The following ERG variants were observed in gnomAD, a reference collection of about 807,000 sequenced individuals.
ERG encodes the protein ETS transcription factor ERG.
Under a neutral mutation model 55.3 loss-of-function variants are expected in ERG, and 9 were observed. That is an observed-to-expected ratio of 0.16 (90% CI 0.10 to 0.28). The LOEUF (loss-of-function observed/expected upper bound fraction) is 0.28. Among genes scored for constraint, ERG ranks in the 10% least tolerant of loss-of-function variants. ERG has a pLI of 1.00. For missense variants in ERG, 434 were observed against 631.6 expected (o/e 0.69, Z 3.35); for synonymous variants, 223 against 237.3 (o/e 0.94, Z 0.55).
chr21:38,463,447 A>C (rs1024914984), intron 1 of ERG, among the ~76,000 whole-genome samples: 2 of 152,186 alleles, frequency 1.3e-5, no homozygotes, highest in African/African-American at 2.4e-5. Context: ...GAGGGCAGAG[A>C]CTTTTTTCTA....
intron 2 of ERG, among the ~76,000 whole-genome samples, chr21:38,572,619 G>A (rs1793979684): frequency 6.6e-6 from 1 of 152,078 alleles, no homozygotes; most frequent in African/African-American, 2.4e-5. Context: ...GTTTATAAAG[G>A]AAATAAATAT....
intron 1 of ERG, among the ~76,000 whole-genome samples, chr21:38,582,031 A>C (rs2060032248): frequency 1.5e-5 from 2 of 130,742 alleles, no homozygotes; most frequent in Admixed American, 1.7e-4. Context: ...CAACAGAGCG[A>C]GACTCCATCT....
At chr21:38,550,209 G>T (rs182402790) in intron 2 of ERG, among the ~76,000 whole-genome samples, 8 of 152,304 alleles carry the variant, frequency 5.3e-5, no homozygotes, top group African/African-American at 1.9e-4. Context: ...TCCTGGGACA[G>T]GTAACAGGCT....
chr21:38,607,459 C>T lies in ERG; in HGVS notation c.-149-22514G>A, dbSNP rs375822916. On this transcript the variant is annotated intron_variant, in intron 1 of 10. Transcript: ENST00000398910. ...CATCCTGGCCAACATGGTGAAACCC[C>T]GTCTCTACTAAAAATACAAAAAATT... Among the ~76,000 whole-genome samples, 12 of 152,114 alleles carry T rather than the reference C, an allele frequency of 7.9e-5. No homozygotes were observed. In the East Asian group the frequency reaches 1.7e-3, roughly 22 times the overall value.
intron 3 of ERG, among the ~76,000 whole-genome samples, chr21:38,408,792 G>T (rs1488116874): frequency 6.6e-6 from 1 of 152,078 alleles, no homozygotes; most frequent in East Asian, 1.9e-4. Flanking sequence ...CTCCTTTCTT[G>T]ACCCCAACCA....
At chr21:38,613,446 T>C (rs1270851067) in intron 1 of ERG, among the ~76,000 whole-genome samples, 2 of 152,208 alleles carry the variant, frequency 1.3e-5, no homozygotes, top group Admixed American at 6.5e-5. Flanking sequence ...GCAGTCCTTA[T>C]AGAAATCATG....
At chr21:38,400,709 A>G in intron 5 of ERG, 64 bp from the exon 6 acceptor site, 2 of 1,279,972 alleles carry the variant, frequency 1.6e-6, no homozygotes, top group Non-Finnish European at 2.2e-6. Flanking sequence ...TCTCAACATC[A>G]GCGCCAAATC....
intron 5 of ERG, among the ~76,000 whole-genome samples, chr21:38,402,092 TAA>T (rs1232767033): frequency 6.6e-6 from 1 of 152,138 alleles, no homozygotes; most frequent in Non-Finnish European, 1.5e-5. Flanking sequence ...TCAAATAGCC[TAA>T]AAGTTTATTG....
chr21:38,553,916 T>C lies in ERG; in HGVS notation c.-41+21746A>G, dbSNP rs148271528. On this transcript the variant is annotated intron_variant, in intron 2 of 8. Coordinates refer to the ERG transcript ENST00000398897. Reference sequence around the variant, plus strand: ...ACAATGTACAGAATAGGAGAAAATATTTGCAAATTATGCATCCAACAAAGG... The same window carrying C: ...ACAATGTACAGAATAGGAGAAAATACTTGCAAATTATGCATCCAACAAAGG... 6.3e-3 allele frequency among the ~76,000 whole-genome samples: 960 copies of C among 151,892 alleles called. 6 individuals are homozygous for C. Among genetic ancestry groups the C allele is most frequent in the Non-Finnish European group, 9.4e-3 (637 of 67,956 alleles).
At position 38,498,470 on chromosome 21, in the gene ERG, G is replaced by A. The variant is rs553958236; in HGVS notation, c.-90C>T. 1.4e-5 allele frequency: 22 copies of A among 1,552,576 alleles called. No individual in the cohort carries two copies. The highest frequency in any genetic ancestry group is 3.9e-5 in the Admixed American group (2 of 51,538). On this transcript the variant is annotated 5_prime_UTR_variant, in exon 1 of 10. Coordinates refer to ENST00000288319, the MANE Select transcript of ERG (RefSeq NM_182918.4). The surrounding 1 kb of genome is among the most constrained non-coding windows in gnomAD (Gnocchi z 4.6). ...AAAGTAGTTTTGATGAGGTTGTTTAGAGCGGATGAGATTGTGCTAAGTCTG... is the reference window on the plus strand; with the variant it reads ...AAAGTAGTTTTGATGAGGTTGTTTAAAGCGGATGAGATTGTGCTAAGTCTG...
At chr21:38,407,647 T>TATATATATATATATATATATATATAC (rs891801676) in intron 3 of ERG, among the ~76,000 whole-genome samples, 4 of 146,686 alleles carry the variant, frequency 2.7e-5, no homozygotes, top group African/African-American at 7.5e-5. Flanking sequence ...TATATATATT[T>TATATATATATATATATATATATATAC]AATGTATATT....
intron 3 of ERG, among the ~76,000 whole-genome samples, chr21:38,405,994 T>C (rs1276343115): frequency 6.6e-6 from 1 of 151,314 alleles, no homozygotes; most frequent in African/African-American, 2.4e-5. Context: ...CTACTAAAAA[T>C]ACAAAAAAAA....
chr21:38,622,878 G>C (rs995038965), intron 1 of ERG, among the ~76,000 whole-genome samples: 1 of 141,564 alleles, frequency 7.1e-6, no homozygotes, highest in East Asian at 2.2e-4. Flanking sequence ...CATACTACAT[G>C]ATCATATATA....
At chr21:38,541,373 A>C (rs1467074512) in intron 2 of ERG, among the ~76,000 whole-genome samples, 5 of 152,202 alleles carry the variant, frequency 3.3e-5, no homozygotes, top group Admixed American at 6.5e-5. Flanking sequence ...CCTGGATAGC[A>C]CTGGCTAAGA....
At chr21:38,550,921 G>C (rs1026316011) in intron 2 of ERG, among the ~76,000 whole-genome samples, 1 of 152,208 alleles carries the variant, frequency 6.6e-6, no homozygotes, top group African/African-American at 2.4e-5. Flanking sequence ...AAACAGAATA[G>C]ATAATTTAAA....
chr21:38,496,892 A>C lies in ERG; in HGVS notation c.18+1471T>G, dbSNP rs1461136859. Among the ~76,000 whole-genome samples the C allele has an allele frequency of 2.0e-5, 3 of 152,336 alleles. No individual in the cohort carries two copies. In the East Asian group the frequency reaches 5.8e-4, roughly 29 times the overall value. Reference sequence around the variant, plus strand: ...ACATAAGATCGTACCCAAGCTATTCAAGATTTACACAGAATATTTGATTTA... The same window carrying C: ...ACATAAGATCGTACCCAAGCTATTCCAGATTTACACAGAATATTTGATTTA... On this transcript the variant is annotated intron_variant, in intron 1 of 9. Transcript: ENST00000288319.
intron 2 of ERG, among the ~76,000 whole-genome samples, chr21:38,427,947 G>A (rs1283173504): frequency 6.6e-6 from 1 of 152,196 alleles, no homozygotes; most frequent in Non-Finnish European, 1.5e-5. Flanking sequence ...AGCATTTTGG[G>A]AGGCCAAGAT....
chr21:38,602,946 A>G (rs79846800), intron 1 of ERG, among the ~76,000 whole-genome samples: 1,594 of 152,022 alleles, frequency 0.01, 52 homozygotes, highest in African/African-American at 0.036. Flanking sequence ...TCATGCCTCA[A>G]CTCAGAAAGT....
intron 1 of ERG, among the ~76,000 whole-genome samples, chr21:38,593,241 A>G (rs1294163120): frequency 6.6e-6 from 1 of 152,348 alleles, no homozygotes; most frequent in East Asian, 1.9e-4. Context: ...AGGAAAACAG[A>G]CAGCATTTGA....
Sources: gnomAD v4.1 joint callset for allele counts (sites outside exome capture counted in the v4.1 genomes callset) on GRCh38, gnomAD v4.1.1 for gene constraint, Gnocchi (gnomAD v3.1) non-coding constraint, MANE v1.5 for transcripts, NCBI Gene and HGNC (gene_info 2026-07-23, HGNC 2026-07-21) for gene names.